Variants in DNAH9 observed in about 807,000 individuals in gnomAD.
DNAH9 encodes the protein DNAH9 variant protein.
In DNAH9, 345 loss-of-function variants were observed where a neutral mutation model predicts 471.6. The observed-to-expected ratio is 0.73, with a 90% CI of 0.67 to 0.80. The LOEUF (loss-of-function observed/expected upper bound fraction) is 0.80. Among genes scored for constraint, DNAH9 ranks in the 30% least tolerant of loss-of-function variants. DNAH9 has a pLI of 0.00. For missense variants in DNAH9, 5,407 were observed against 5,609.2 expected, an observed-to-expected ratio of 0.96 and a Z score of 1.15; for synonymous variants, 2,093 against 2,123.6, an observed-to-expected ratio of 0.99 and a Z score of 0.40.
Position 11,654,355 on chromosome 17 carries a change from CAAA to C in DNAH9, c.2595+1374_2595+1376del, listed in dbSNP as rs527835262. Among the ~76,000 whole-genome samples the C allele has an allele frequency of 1.8e-3, 20 of 11,266 alleles. 2 individuals are homozygous for C. Among genetic ancestry groups the C allele is most frequent in the Non-Finnish European group, 8.1e-3 (10 of 1,234 alleles). 7.4% of individuals were successfully genotyped at this position (11,266 alleles called of 152,430 possible). On this transcript the variant is annotated intron_variant, in intron 14 of 68. Transcript: ENST00000262442. ...TGGGCCACAGAGCGAGACTCCGTCTCAAAAAAAAAAAAAAAAAAAAAAAGTTTA... is the reference window on the plus strand; with the variant it reads ...TGGGCCACAGAGCGAGACTCCGTCTCAAAAAAAAAAAAAAAAAAAAGTTTA...
At chr17:11,609,244 A>T (rs572057308) in intron 2 of DNAH9, among the ~76,000 whole-genome samples, 1 of 152,364 alleles carries the variant, frequency 6.6e-6, no homozygotes, top group Admixed American at 6.5e-5. Flanking sequence ...AATGTACTTT[A>T]TAATGAGTTT....
At chr17:11,893,122 C>T (rs1332040351) in intron 58 of DNAH9, among the ~76,000 whole-genome samples, 2 of 149,344 alleles carry the variant, frequency 1.3e-5, no homozygotes, top group African/African-American at 4.9e-5. Context: ...TGCTTTGCCT[C>T]ACCCCTCTCA....
At chr17:11,943,710 G>T (rs974027592) in intron 67 of DNAH9, among the ~76,000 whole-genome samples, 1 of 151,804 alleles carries the variant, frequency 6.6e-6, no homozygotes. Context: ...CAAGGTTAGG[G>T]TTTTTTTTGT....
rs889204435 is a variant in DNAH9 at position 11,962,702 on chromosome 17, C to G, written c.13233+446C>G. ...TCTGCTGCTGCTGCTGTGTGTCTGTCGCCCAGGCTGGAGTACAGTGGCACG... is the reference window on the plus strand; with the variant it reads ...TCTGCTGCTGCTGCTGTGTGTCTGTGGCCCAGGCTGGAGTACAGTGGCACG... On this transcript the variant is annotated intron_variant, in intron 68 of 68. Transcript: ENST00000262442. The surrounding 1 kb of genome is among the most constrained non-coding windows in gnomAD (Gnocchi z 4.1). Among the ~76,000 whole-genome samples, 3 of 151,704 alleles carry G rather than the reference C, an allele frequency of 2.0e-5. No homozygotes were observed. The highest frequency in any genetic ancestry group is 4.4e-5 in the Non-Finnish European group (3 of 68,022).
intron 68 of DNAH9, among the ~76,000 whole-genome samples, chr17:11,964,348 A>G (rs1283243487): frequency 1.3e-5 from 2 of 152,190 alleles, no homozygotes; most frequent in East Asian, 1.9e-4. Flanking sequence ...AGTAGGCAAG[A>G]AGCTCAGAAG....
chr17:11,856,508 G>A (rs908425950), intron 50 of DNAH9, among the ~76,000 whole-genome samples: 5 of 147,226 alleles, frequency 3.4e-5, no homozygotes, highest in Admixed American at 7.0e-5. Context: ...GACCATCCAG[G>A]CCACCATGGT....
intron 3 of DNAH9, among the ~76,000 whole-genome samples, chr17:11,611,414 A>C (rs991258458): frequency 6.6e-6 from 1 of 152,212 alleles, no homozygotes; most frequent in Non-Finnish European, 1.5e-5. Flanking sequence ...TTTTTGAGCC[A>C]CCAGATGGTC....
intron 38 of DNAH9, 40 bp downstream of exon 38, chr17:11,769,369 TG>T: frequency 6.4e-7 from 1 of 1,552,560 alleles, no homozygotes; most frequent in Non-Finnish European, 8.7e-7. Context: ...GGCATCTGGG[TG>T]GCCGTGTCAC....
chr17:11,665,076 G>A lies in DNAH9; in HGVS notation c.2731+108G>A, dbSNP rs183112408. 9.4e-5 allele frequency: 89 copies of A among 945,954 alleles called. No homozygotes were observed. In the Admixed American group the frequency reaches 1.3e-3, roughly 14 times the overall value. The allele number at this position is 945,954 out of a possible 1,614,324, so 58.6% of individuals were successfully genotyped here. A position where few individuals can be genotyped will look rare whatever the true frequency, so the allele number is the denominator to read the frequency against. The stretch of plus-strand genomic sequence containing the variant: ...AGTGCTCTGTGACTTTTCCCAAAAC[G>A]TTGTAGACCTTTTGTGAATGATGCA... On this transcript the variant is annotated intron_variant, in intron 15 of 68. Transcript: ENST00000262442.
At chr17:11,874,057 C>G (rs1358338713) in intron 52 of DNAH9, among the ~76,000 whole-genome samples, 2 of 151,912 alleles carry the variant, frequency 1.3e-5, no homozygotes, top group African/African-American at 2.4e-5. Context: ...CCAGCCTGTC[C>G]AACATGGTGA....
intron 63 of DNAH9, 21 bp downstream of exon 63, chr17:11,930,114 C>A: frequency 6.3e-7 from 1 of 1,592,162 alleles, no homozygotes; most frequent in Non-Finnish European, 8.6e-7. Flanking sequence ...GGGAGGGAGG[C>A]AAAAACAGCA....
intron 10 of DNAH9, among the ~76,000 whole-genome samples, chr17:11,642,411 A>AG (rs2073292346): frequency 7.3e-6 from 1 of 137,408 alleles, no homozygotes; most frequent in African/African-American, 2.7e-5. Flanking sequence ...TGGTGGGGGC[A>AG]GGGGGCGGGG....
intron 61 of DNAH9, among the ~76,000 whole-genome samples, chr17:11,919,561 G>T (rs544646251): frequency 6.6e-6 from 1 of 152,046 alleles, no homozygotes; most frequent in South Asian, 2.1e-4. Context: ...AGGGAAATGG[G>T]TAACATAGCC....
rs548236129 is a variant in DNAH9 at position 11,699,102 on chromosome 17, A to C, written c.4873-629A>C. Among the ~76,000 whole-genome samples the C allele has an allele frequency of 2.6e-5, 4 of 152,178 alleles. No homozygotes were observed. In the South Asian group the frequency reaches 8.3e-4, roughly 32 times the overall value. On this transcript the variant is annotated intron_variant, in intron 22 of 68. Coordinates refer to ENST00000262442, the MANE Select transcript of DNAH9 (RefSeq NM_001372.4). ...CATCTCTACTAAAAATACAAAAATT[A>C]GCTGGGCATGGTGGCACACACCTGT...
chr17:11,871,527 A>G (rs1004221004), intron 51 of DNAH9, 71 bp from the exon 52 acceptor site: 2 of 1,428,620 alleles, frequency 1.4e-6, no homozygotes, highest in Non-Finnish European at 1.9e-6. Flanking sequence ...GGCGCTCTCC[A>G]TGATGGAATC....
chr17:11,888,260 G>A (rs1376926250), intron 57 of DNAH9, among the ~76,000 whole-genome samples: 7 of 152,178 alleles, frequency 4.6e-5, no homozygotes, highest in Non-Finnish European at 1.0e-4. Context: ...TGGGATTACA[G>A]GCGTGAGCCA....
intron 28 of DNAH9, among the ~76,000 whole-genome samples, chr17:11,729,880 G>A (rs570105788): frequency 6.6e-6 from 1 of 152,208 alleles, no homozygotes; most frequent in South Asian, 2.1e-4. Context: ...AAGCTGAACA[G>A]CAGTAGGGCT....
rs1324448291 is a variant in DNAH9, at chr17:11,902,784, GA to G, written c.11477del (p.Lys3826SerfsTer29). 7.4e-6 allele frequency: 12 copies of G among 1,613,992 alleles called. No individual in the cohort carries two copies. Among genetic ancestry groups the G allele is most frequent in the Non-Finnish European group, 1.0e-5 (12 of 1,179,878 alleles). On this transcript the variant is annotated frameshift_variant, in exon 60 of 69. Coordinates refer to ENST00000262442, the MANE Select transcript of DNAH9 (RefSeq NM_001372.4). LOFTEE classifies it high-confidence loss of function. ...RDIEGSAKSW[K>X]KFVESECPEK... The stretch of plus-strand genomic sequence containing the variant: ...ACATAGAGGGATCTGCTAAGAGCTG[GA>G]AAAAGTTTGTGGAGTCCGAATGTCC...
intron 33 of DNAH9, among the ~76,000 whole-genome samples, chr17:11,753,881 A>G (rs537452992): frequency 6.6e-6 from 1 of 152,304 alleles, no homozygotes; most frequent in African/African-American, 2.4e-5. Context: ...CTCATGTCAC[A>G]GGGGTTTGTT....
Sources: allele counts gnomAD v4.1 joint callset (sites outside exome capture counted in the v4.1 genomes callset), GRCh38; gene constraint gnomAD v4.1.1; non-coding constraint Gnocchi (gnomAD v3.1); transcripts MANE v1.5; gene names NCBI Gene and HGNC (gene_info 2026-07-23, HGNC 2026-07-21).